The following PARD3B variants were observed in gnomAD, a reference collection of about 807,000 sequenced individuals.
PARD3B encodes the protein partitioning defective 3 homolog B.
PARD3B carries 103 observed loss-of-function variants against 130.2 expected under a neutral mutation model. The observed-to-expected ratio is 0.79, with a 90% CI of 0.67 to 0.93. The LOEUF is 0.93. PARD3B is among the 40% of genes least tolerant of loss of function. PARD3B has a pLI of 0.00. For missense variants in PARD3B, 1,609 were observed against 1,499.2 expected (o/e 1.07, Z -1.21); for synonymous variants, 583 against 553.2 (o/e 1.05, Z -0.76).
intron 2 of PARD3B, among the ~76,000 whole-genome samples, chr2:204,820,171 G>A (rs2043292021): frequency 6.8e-6 from 1 of 146,218 alleles, no homozygotes; most frequent in African/African-American, 2.6e-5. Context: ...TACCTCCCGG[G>A]TTCAAGTGAT....
chr2:204,636,061 A>G (rs143684858), intron 1 of PARD3B, among the ~76,000 whole-genome samples: 12 of 152,218 alleles, frequency 7.9e-5, no homozygotes, highest in Admixed American at 3.9e-4. Flanking sequence ...TCTTTGGCTT[A>G]AATATTTGTT....
chr2:205,301,586 GAGA>G lies in PARD3B; in HGVS notation c.2518_2520del (p.Lys840del). ...AGCCAGGAAAGTCAAAAAAACGAAA[GAGA>G]AGGAGAAGAAAAAGGAAAAGGGCAA... On this transcript the variant is annotated inframe_deletion, in exon 18 of 23. Transcript: ENST00000406610. The surrounding 1 kb of genome is among the most constrained non-coding windows in gnomAD (Gnocchi z 5.2). 6.2e-7 allele frequency: 1 copy of G among 1,613,928 alleles called. No individual in the cohort carries two copies. The highest frequency in any genetic ancestry group is 2.2e-5 in the East Asian group (1 of 44,860).
At chr2:204,953,450 GAGAGA>G (rs1469578275) in intron 2 of PARD3B, among the ~76,000 whole-genome samples, 2 of 137,922 alleles carry the variant, frequency 1.5e-5, no homozygotes, top group Non-Finnish European at 3.2e-5. Flanking sequence ...GAGAGAGAGA[GAGAGA>G]GAGAGAGAGA....
chr2:205,420,389 A>G (rs1236613312), intron 19 of PARD3B, among the ~76,000 whole-genome samples: 5 of 152,176 alleles, frequency 3.3e-5, no homozygotes, highest in Non-Finnish European at 1.5e-5. Flanking sequence ...TATATCTCTC[A>G]TTTGCAGGTG....
intron 3 of PARD3B, among the ~76,000 whole-genome samples, chr2:204,999,228 C>T (rs1694625929): frequency 6.6e-6 from 1 of 151,656 alleles, no homozygotes; most frequent in Non-Finnish European, 1.5e-5. Context: ...TCCTATAATT[C>T]ATTATCGTTG....
intron 2 of PARD3B, among the ~76,000 whole-genome samples, chr2:204,871,311 A>T (rs1575177315): frequency 6.6e-6 from 1 of 152,150 alleles, no homozygotes; most frequent in African/African-American, 2.4e-5. Context: ...TATAGACTAT[A>T]AACAACTCAA....
intron 18 of PARD3B, among the ~76,000 whole-genome samples, chr2:205,320,490 A>G (rs1047337204): frequency 2.0e-5 from 3 of 152,214 alleles, no homozygotes; most frequent in Non-Finnish European, 4.4e-5. Flanking sequence ...ATCAGCACAT[A>G]GGGAAATAGT....
At chr2:205,543,327 A>G (rs1253305983) in intron 21 of PARD3B, among the ~76,000 whole-genome samples, 1 of 152,244 alleles carries the variant, frequency 6.6e-6, no homozygotes. Flanking sequence ...AAAAATTAGA[A>G]TATATACAAA....
chr2:204,883,425 TATATATAAA>T (rs2046136623), intron 2 of PARD3B, among the ~76,000 whole-genome samples: 1 of 116,746 alleles, frequency 8.6e-6, no homozygotes, highest in African/African-American at 3.4e-5. Context: ...ATAATATATA[TATATATAAA>T]ATATATATAT....
chr2:204,609,793 A>G (rs1322398798), intron 1 of PARD3B, among the ~76,000 whole-genome samples: 3 of 152,092 alleles, frequency 2.0e-5, no homozygotes, highest in Non-Finnish European at 4.4e-5. Flanking sequence ...TCTCTTCTAG[A>G]TGCAGGAAAG....
chr2:205,575,084 G>GAC lies in PARD3B; in HGVS notation c.3260+21710_3260+21711dup, dbSNP rs3077829. Among the ~76,000 whole-genome samples the GAC allele has an allele frequency of 0.37, 47,338 of 128,356 alleles. 7,632 individuals carry two copies. Among genetic ancestry groups the GAC allele is most frequent in the Non-Finnish European group, 0.45 (24,942 of 55,938 alleles). 84.2% of individuals were successfully genotyped at this position (128,356 alleles called of 152,430 possible). On this transcript the variant is annotated intron_variant, in intron 22 of 22. Coordinates refer to ENST00000406610, the MANE Select transcript of PARD3B (RefSeq NM_001302769.2). This position sits in a 1 kb window ranked among gnomAD's most constrained non-coding sequence, Gnocchi z 4.6. ...AATACATTATATACACATTTAAATAGACACACACACACACACACACACACA... is the reference window on the plus strand; with the variant it reads ...AATACATTATATACACATTTAAATAGACACACACACACACACACACACACACA...
chr2:204,562,537 C>T (rs1051619173), intron 1 of PARD3B, among the ~76,000 whole-genome samples: 5 of 152,116 alleles, frequency 3.3e-5, no homozygotes, highest in South Asian at 4.1e-4. Context: ...GCCCAGAAGT[C>T]GCTGTGGCTT....
intron 2 of PARD3B, among the ~76,000 whole-genome samples, chr2:204,718,094 A>G (rs2038819949): frequency 6.6e-6 from 1 of 152,180 alleles, no homozygotes; most frequent in African/African-American, 2.4e-5. Context: ...ATCATGAGAA[A>G]TGAAAGCAGG....
In PARD3B at chr2:205,568,391, G is replaced by C. The variant is rs1266161524; in HGVS notation, c.3260+14988G>C. 6.6e-6 allele frequency among the ~76,000 whole-genome samples: 1 copy of C among 152,150 alleles called. No homozygotes were observed. The highest frequency in any genetic ancestry group is 6.5e-5 in the Admixed American group (1 of 15,272). On this transcript the variant is annotated intron_variant, in intron 22 of 22. Transcript: ENST00000406610. The surrounding 1 kb of genome is among the most constrained non-coding windows in gnomAD (Gnocchi z 5.3). ...ATAACTCTAGAAGAAGATACTTCCA[G>C]TTTCTCTTTGTTTCACTCAAATATG...
Position 205,421,709 on chromosome 2 carries a change from T to A in PARD3B, c.2742-18661T>A, listed in dbSNP as rs1176129782. Among the ~76,000 whole-genome samples, 2 of 152,196 alleles carry A rather than the reference T, an allele frequency of 1.3e-5. No individual in the cohort carries two copies. The highest frequency in any genetic ancestry group is 2.9e-5 in the Non-Finnish European group (2 of 68,036). On this transcript the variant is annotated intron_variant, in intron 19 of 22. Transcript: ENST00000406610. This position sits in a 1 kb window ranked among gnomAD's most constrained non-coding sequence, Gnocchi z 5.1. The stretch of plus-strand genomic sequence containing the variant: ...ATAAAACAACATAAATTTATTCTCT[T>A]AACGTTTTGGAGGCCATAATTCTGA...
At chr2:205,063,136 C>T (rs935245464) in intron 4 of PARD3B, among the ~76,000 whole-genome samples, 1 of 151,876 alleles carries the variant, frequency 6.6e-6, no homozygotes, top group African/African-American at 2.4e-5. Context: ...CCAAAGTAAC[C>T]GTTTAAAGCT....
chr2:205,054,523 G>A (rs956232072), intron 4 of PARD3B, among the ~76,000 whole-genome samples: 2 of 142,284 alleles, frequency 1.4e-5, no homozygotes, highest in Non-Finnish European at 3.0e-5. Flanking sequence ...GTATACATGT[G>A]CCATGTTGGT....
rs888955769 is a variant in PARD3B at position 204,678,915 on chromosome 2, A to C, written c.121-7266A>C. On this transcript the variant is annotated intron_variant, in intron 1 of 22. Coordinates refer to ENST00000406610, the MANE Select transcript of PARD3B (RefSeq NM_001302769.2). The surrounding 1 kb of genome is among the most constrained non-coding windows in gnomAD (Gnocchi z 4.2). ...TAACATACAGATCAAGAAATAGAACATTGCCCTAGAAGCCGCTTCATGCCT... is the reference window on the plus strand; with the variant it reads ...TAACATACAGATCAAGAAATAGAACCTTGCCCTAGAAGCCGCTTCATGCCT... Among the ~76,000 whole-genome samples the C allele has an allele frequency of 6.6e-6, 1 of 151,986 alleles. No homozygotes were observed. Among genetic ancestry groups the C allele is most frequent in the Non-Finnish European group, 1.5e-5 (1 of 68,002 alleles).
intron 2 of PARD3B, among the ~76,000 whole-genome samples, chr2:204,773,569 C>T (rs113371622): frequency 0.019 from 2,864 of 151,588 alleles, 89 homozygotes; most frequent in African/African-American, 0.063. Flanking sequence ...GTTTCTGTAA[C>T]GTACATTTAA....
Sources: allele counts gnomAD v4.1 joint callset (sites outside exome capture counted in the v4.1 genomes callset), GRCh38; gene constraint gnomAD v4.1.1; non-coding constraint Gnocchi (gnomAD v3.1); transcripts MANE v1.5; gene names NCBI Gene and HGNC (gene_info 2026-07-23, HGNC 2026-07-21).